The following RASEF variants were observed in gnomAD, a reference collection of about 807,000 sequenced individuals.
RASEF encodes ras and EF-hand domain-containing protein.
RASEF carries 68 observed loss-of-function variants against 90.1 expected under a neutral mutation model. The observed-to-expected ratio is 0.75, with a 90% CI of 0.62 to 0.92. RASEF has a LOEUF of 0.92. Ranked by LOEUF, RASEF falls within the 40% of genes least tolerant of loss-of-function variation. RASEF has a pLI of 0.00. For missense variants in RASEF, 949 were observed against 937.2 expected (o/e 1.01, Z -0.16); for synonymous variants, 331 against 345.2 (o/e 0.96, Z 0.46).
the RASEF span, among the ~76,000 whole-genome samples, chr9:83,141,159 A>AC: frequency 5.3e-5 from 8 of 151,232 alleles, no homozygotes; most frequent in African/African-American, 1.9e-4. Flanking sequence ...AAAAAAAAAA[A>AC]GGTAATTATC....
At chr9:83,133,444 C>CTT in the RASEF span, among the ~76,000 whole-genome samples, 5 of 152,168 alleles carry the variant, frequency 3.3e-5, no homozygotes, top group South Asian at 4.1e-4. Context: ...GGGATTATCA[C>CTT]TTACTGATTT....
chr9:83,070,120 G>C, the RASEF span, among the ~76,000 whole-genome samples: 3 of 150,130 alleles, frequency 2.0e-5, no homozygotes, highest in African/African-American at 7.6e-5. Flanking sequence ...CTTTTTAAGA[G>C]TAGATAGTTT....
chr9:83,148,843 C>T, the RASEF span, among the ~76,000 whole-genome samples: 1 of 152,164 alleles, frequency 6.6e-6, no homozygotes, highest in Non-Finnish European at 1.5e-5. Flanking sequence ...AGCGAGAAAA[C>T]CATTCAAATC....
chr9:83,063,125 G>GGAGCGCCTCCTGCGACT lies in RASEF; in HGVS notation c.-275_-259dup, dbSNP rs1476008370. 2.2e-6 allele frequency: 1 copy of GGAGCGCCTCCTGCGACT among 450,052 alleles called. No homozygotes were observed. The highest frequency in any genetic ancestry group is 2.1e-5 in the African/African-American group (1 of 48,440). 27.9% of individuals were successfully genotyped at this position (450,052 alleles called of 1,614,324 possible). A position where few individuals can be genotyped will look rare whatever the true frequency, so the allele number is the denominator to read the frequency against. On this transcript the variant is annotated 5_prime_UTR_variant, in exon 1 of 17. Transcript: ENST00000376447. ...GCGCCCGGGCTCCAGGCACCGCCAAGGAGCGCCTCCTGCGACTGAGCGCCC... is the reference window on the plus strand; with the variant it reads ...GCGCCCGGGCTCCAGGCACCGCCAAGGAGCGCCTCCTGCGACTGAGCGCCTCCTGCGACTGAGCGCCC...
the RASEF span, among the ~76,000 whole-genome samples, chr9:83,086,626 C>T: frequency 6.6e-6 from 1 of 152,146 alleles, no homozygotes; most frequent in Non-Finnish European, 1.5e-5. Flanking sequence ...TATCTAAAGG[C>T]TCGACTGAGG....
At chr9:83,023,017 A>C (rs536256821) in intron 2 of RASEF, among the ~76,000 whole-genome samples, 2 of 152,218 alleles carry the variant, frequency 1.3e-5, no homozygotes, top group Non-Finnish European at 2.9e-5. Flanking sequence ...AGATTGTGGC[A>C]AACAGTAAAG....
chr9:83,012,587 A>C, intron 4 of RASEF, 76 bp from the exon 5 acceptor site: 1 of 734,132 alleles, frequency 1.4e-6, no homozygotes, highest in African/African-American at 1.8e-5. Flanking sequence ...ACTATCCTTG[A>C]ATATACATAT....
At chr9:83,000,639 T>C in intron 10 of RASEF, 69 bp from the exon 11 acceptor site, 1 of 1,389,888 alleles carries the variant, frequency 7.2e-7, no homozygotes, top group Non-Finnish European at 9.8e-7. Flanking sequence ...GTCTAAAATG[T>C]ATACATTATG....
At chr9:83,123,618 C>G in the RASEF span, among the ~76,000 whole-genome samples, 1 of 128,536 alleles carries the variant, frequency 7.8e-6, no homozygotes, top group Admixed American at 7.2e-5. Flanking sequence ...TGCTTCCCTC[C>G]TCCTTCCCAC....
At chr9:83,099,603 G>C in the RASEF span, among the ~76,000 whole-genome samples, 1 of 152,192 alleles carries the variant, frequency 6.6e-6, no homozygotes, top group Non-Finnish European at 1.5e-5. Context: ...GTTAAAATGA[G>C]ACTTGATTCA....
At chr9:83,103,029 C>A in the RASEF span, among the ~76,000 whole-genome samples, 1 of 152,200 alleles carries the variant, frequency 6.6e-6, no homozygotes, top group Admixed American at 6.5e-5. Flanking sequence ...CCACTTCCCT[C>A]TGGCCCTCCT....
chr9:83,145,860 GA>G, the RASEF span, among the ~76,000 whole-genome samples: 1 of 151,816 alleles, frequency 6.6e-6, no homozygotes, highest in Non-Finnish European at 1.5e-5. Context: ...CCAAGGCAAA[GA>G]AAAAAGTAGA....
the RASEF span, among the ~76,000 whole-genome samples, chr9:83,088,097 A>C: frequency 1.3e-5 from 2 of 152,110 alleles, no homozygotes; most frequent in South Asian, 4.1e-4. Flanking sequence ...GTCAGAAAAC[A>C]TACTTTGTGT....
chr9:83,049,368 G>A (rs1829998454), intron 1 of RASEF: 2 of 983,654 alleles, frequency 2.0e-6, no homozygotes, highest in Non-Finnish European at 2.4e-6. Context: ...GTCCGTGCGG[G>A]ACTGGCTCAT....
chr9:83,196,497 A>G, the RASEF span, among the ~76,000 whole-genome samples: 1 of 152,226 alleles, frequency 6.6e-6, no homozygotes. Context: ...GAGACAGGGC[A>G]AAAAGGTCTC....
the RASEF span, among the ~76,000 whole-genome samples, chr9:83,086,226 G>C: frequency 6.6e-6 from 1 of 152,086 alleles, no homozygotes; most frequent in Non-Finnish European, 1.5e-5. Context: ...CAACTATTTG[G>C]AAGAGATCCA....
At chr9:83,036,430 A>G (rs189317637) in intron 1 of RASEF, among the ~76,000 whole-genome samples, 2 of 152,352 alleles carry the variant, frequency 1.3e-5, no homozygotes, top group East Asian at 3.9e-4. Context: ...ATGTACAGAA[A>G]ACAGAAGTTG....
the RASEF span, among the ~76,000 whole-genome samples, chr9:83,159,898 T>C: frequency 2.0e-5 from 3 of 152,190 alleles, no homozygotes; most frequent in Non-Finnish European, 2.9e-5. Flanking sequence ...GTTCTCGTGA[T>C]AGTGAGTCTT....
chr9:83,216,471 C>T, the RASEF span, among the ~76,000 whole-genome samples: 1 of 152,220 alleles, frequency 6.6e-6, no homozygotes, highest in African/African-American at 2.4e-5. Context: ...GGCCCCAATC[C>T]TTGGCAGCTT....
Sources: allele counts gnomAD v4.1 joint callset (sites outside exome capture counted in the v4.1 genomes callset), GRCh38; gene constraint gnomAD v4.1.1; transcripts MANE v1.5; gene names NCBI Gene and HGNC (gene_info 2026-07-23, HGNC 2026-07-21).